The following CUBN variants were observed in gnomAD, a reference collection of about 807,000 sequenced individuals.
CUBN encodes the protein 460 kDa receptor.
Under a neutral mutation model 405.3 loss-of-function variants are expected in CUBN, and 282 were observed. The observed-to-expected ratio is 0.70, with a 90% CI of 0.63 to 0.77. CUBN has a LOEUF of 0.77. CUBN is among the 30% of genes least tolerant of loss of function. The pLI is 0.00. For missense variants in CUBN, 4,514 were observed against 4,475.2 expected, an observed-to-expected ratio of 1.01 and a Z score of -0.25; for synonymous variants, 1,684 against 1,617.0, an observed-to-expected ratio of 1.04 and a Z score of -0.99.
At chr10:16,927,630 T>C (rs146961447) in intron 41 of CUBN, among the ~76,000 whole-genome samples, 1 of 152,210 alleles carries the variant, frequency 6.6e-6, no homozygotes, top group African/African-American at 2.4e-5. Context: ...GGACTTCACA[T>C]GTCAAGTTTG....
intron 41 of CUBN, among the ~76,000 whole-genome samples, chr10:16,927,353 A>T (rs1366893389): frequency 6.6e-6 from 1 of 152,098 alleles, no homozygotes; most frequent in Non-Finnish European, 1.5e-5. Flanking sequence ...AGAGGTGAAA[A>T]TGTATCTTAG....
chr10:17,074,409 C>T (rs1478583175), intron 17 of CUBN, among the ~76,000 whole-genome samples: 1 of 152,130 alleles, frequency 6.6e-6, no homozygotes, highest in Non-Finnish European at 1.5e-5. Context: ...ACGAGGCAGC[C>T]TGAAATGTGA....
intron 30 of CUBN, among the ~76,000 whole-genome samples, chr10:16,983,534 A>C (rs1833338297): frequency 6.6e-6 from 1 of 152,280 alleles, no homozygotes; most frequent in African/African-American, 2.4e-5. Context: ...GATAATCCTC[A>C]TAAAATAGTT....
At chr10:16,970,001 C>A (rs1467276299) in intron 31 of CUBN, among the ~76,000 whole-genome samples, 3 of 152,182 alleles carry the variant, frequency 2.0e-5, no homozygotes, top group African/African-American at 7.2e-5. Context: ...AATCCTCTTC[C>A]TTAGTTTTCT....
chr10:17,026,974 G>C (rs550958450), intron 27 of CUBN, among the ~76,000 whole-genome samples: 1 of 152,192 alleles, frequency 6.6e-6, no homozygotes, highest in African/African-American at 2.4e-5. Context: ...CTTTGCATGA[G>C]AGCAAAAAAC....
intron 31 of CUBN, among the ~76,000 whole-genome samples, chr10:16,975,577 A>G (rs1833066505): frequency 6.6e-6 from 1 of 151,656 alleles, no homozygotes; most frequent in Non-Finnish European, 1.5e-5. Flanking sequence ...GGTCAAAACT[A>G]TAAGTAGCTT....
intron 62 of CUBN, among the ~76,000 whole-genome samples, chr10:16,839,098 G>C (rs1336266781): frequency 6.6e-6 from 1 of 152,122 alleles, no homozygotes; most frequent in Non-Finnish European, 1.5e-5. Flanking sequence ...CTCCAAGCAT[G>C]GTCCATGGAG....
intron 22 of CUBN, among the ~76,000 whole-genome samples, 185 bp downstream of exon 22, chr10:17,065,323 C>T (rs1835591180): frequency 6.6e-6 from 1 of 152,090 alleles, no homozygotes; most frequent in South Asian, 2.1e-4. Flanking sequence ...TTAATATTGA[C>T]ACAATATTCT....
At chr10:16,847,518 A>C (rs1839552773) in intron 60 of CUBN, among the ~76,000 whole-genome samples, 1 of 152,186 alleles carries the variant, frequency 6.6e-6, no homozygotes, top group Non-Finnish European at 1.5e-5. Flanking sequence ...TTTAAATGTA[A>C]TTATTTAAAT....
intron 28 of CUBN, among the ~76,000 whole-genome samples, chr10:17,000,915 C>T (rs1449057786): frequency 2.6e-5 from 4 of 152,164 alleles, no homozygotes; most frequent in Admixed American, 6.5e-5. Flanking sequence ...TTCTTGGTCT[C>T]GCTGACTTCA....
intron 14 of CUBN, among the ~76,000 whole-genome samples, chr10:17,089,702 C>T (rs909781866): frequency 6.6e-6 from 1 of 152,150 alleles, no homozygotes; most frequent in Non-Finnish European, 1.5e-5. Context: ...TAGCAAAAAC[C>T]TATGCATTTC....
intron 40 of CUBN, among the ~76,000 whole-genome samples, chr10:16,931,221 G>T (rs1479614691): frequency 6.6e-6 from 1 of 150,888 alleles, no homozygotes; most frequent in Non-Finnish European, 1.5e-5. Flanking sequence ...CCAAGATAGC[G>T]CCACTGCAGT....
intron 64 of CUBN, 84 bp from the exon 65 acceptor site, chr10:16,831,501 A>G: frequency 1.6e-6 from 2 of 1,240,342 alleles, no homozygotes; most frequent in Non-Finnish European, 2.4e-6. Context: ...TTGAATGATG[A>G]CATTGGTCGG....
At chr10:16,857,399 C>T (rs926853531) in intron 59 of CUBN, among the ~76,000 whole-genome samples, 1 of 152,100 alleles carries the variant, frequency 6.6e-6, no homozygotes, top group African/African-American at 2.4e-5. Context: ...AGAAAAAGAG[C>T]AATACTTGTA....
At chr10:17,028,494 G>A (rs1161668132) in intron 27 of CUBN, among the ~76,000 whole-genome samples, 4 of 151,766 alleles carry the variant, frequency 2.6e-5, no homozygotes, top group Middle Eastern at 3.4e-3. Context: ...GCCGAAGTGG[G>A]TGGATCACGT....
At chr10:16,968,323 AT>A (rs557654227) in intron 31 of CUBN, among the ~76,000 whole-genome samples, 8,754 of 147,744 alleles carry the variant, frequency 0.059, 359 homozygotes, top group Non-Finnish European at 0.09. Flanking sequence ...AGCACAGGGA[AT>A]TTTTTTTTTT....
chr10:17,067,918 A>G, intron 21 of CUBN, 146 bp downstream of exon 21: 1 of 685,340 alleles, frequency 1.5e-6, no homozygotes, highest in East Asian at 2.7e-5. Context: ...CCACAACTAC[A>G]GAGTAGTTAT....
rs756315385 is a variant in CUBN, at chr10:17,043,971, G to C, written c.3685C>G (p.Pro1229Ala). ...GTTAGCAGATGAGAGTTGCTACTTG[G>C]GCCATCATATACCTTTAAGAAAATA... Reference protein sequence around the residue: ...TLDYLAVYDGPSSNSHLLTQL... With the variant: ...TLDYLAVYDGASSNSHLLTQL... Residue 1229 changes from proline (P) to alanine (A), a missense_variant, in exon 26 of 67, where the codon CCA becomes GCA. Physicochemically the swap from Pro to Ala is conservative, Grantham distance 27 (BLOSUM62 -1). Around this residue, in one of 5 missense-constraint regions of CUBN, gnomAD observed 242 missense variants for 309.0 expected, o/e 0.78. Transcript: ENST00000377833. 1.2e-5 allele frequency: 19 copies of C among 1,612,824 alleles called. No homozygotes were observed. The highest frequency in any genetic ancestry group is 3.3e-5 in the Admixed American group (2 of 59,876).
At chr10:16,962,554 G>A (rs575954918) in intron 31 of CUBN, among the ~76,000 whole-genome samples, 22 of 152,234 alleles carry the variant, frequency 1.4e-4, no homozygotes, top group Admixed American at 5.9e-4. Flanking sequence ...GATAGACCTC[G>A]TGATTGGTTC....
Sources: allele counts gnomAD v4.1 joint callset (sites outside exome capture counted in the v4.1 genomes callset), GRCh38; gene constraint gnomAD v4.1.1; regional missense constraint gnomAD v4.1.1; transcripts MANE v1.5; gene names NCBI Gene and HGNC (gene_info 2026-07-23, HGNC 2026-07-21).